CTNNA3: variants seen among roughly 807,000 people sequenced by gnomAD.
CTNNA3 encodes the protein catenin alpha-3.
Under a neutral mutation model 95.7 loss-of-function variants are expected in CTNNA3, and 76 were observed. That is an observed-to-expected ratio of 0.79 (90% CI 0.66 to 0.96). The LOEUF is 0.96. Among genes scored for constraint, CTNNA3 ranks in the 40% least tolerant of loss-of-function variants. The pLI, the probability that CTNNA3 is intolerant of heterozygous loss-of-function variation, is 0.00. For missense variants in CTNNA3, 1,191 were observed against 1,089.8 expected, an observed-to-expected ratio of 1.09 and a Z score of -1.31; for synonymous variants, 431 against 374.4, an observed-to-expected ratio of 1.15 and a Z score of -1.74.
At chr10:66,821,337 C>T (rs111571847) in intron 7 of CTNNA3, among the ~76,000 whole-genome samples, 1 of 151,980 alleles carries the variant, frequency 6.6e-6, no homozygotes, top group African/African-American at 2.4e-5. Context: ...CCAGCAGGTC[C>T]CTTGTCTTTA....
intron 15 of CTNNA3, among the ~76,000 whole-genome samples, chr10:65,995,273 A>G (rs980535191): frequency 3.3e-5 from 5 of 152,068 alleles, no homozygotes; most frequent in Non-Finnish European, 5.9e-5. Context: ...CATATGGTGT[A>G]AGTCACTTCT....
intron 17 of CTNNA3, among the ~76,000 whole-genome samples, chr10:65,942,087 A>G (rs1564528877): frequency 1.3e-5 from 2 of 152,196 alleles, no homozygotes. Context: ...ATTTTACTAG[A>G]TTTCAGAGAA....
chr10:66,830,640 A>C (rs553419744), intron 7 of CTNNA3, among the ~76,000 whole-genome samples: 9 of 150,844 alleles, frequency 6.0e-5, no homozygotes, highest in Admixed American at 2.0e-4. Context: ...GACGGAGTCT[A>C]GCTCTGTTGC....
chr10:66,354,974 G>A (rs982461244), intron 12 of CTNNA3, among the ~76,000 whole-genome samples: 2 of 152,062 alleles, frequency 1.3e-5, no homozygotes, highest in Admixed American at 1.3e-4. Flanking sequence ...GGAATTACCA[G>A]AAAGATAGGC....
chr10:67,521,946 C>T lies in CTNNA3; in HGVS notation c.475G>A (p.Glu159Lys), dbSNP rs756135810. The T allele has an allele frequency of 1.9e-6, 3 of 1,611,466 alleles. No homozygotes were observed. Among genetic ancestry groups the T allele is most frequent in the Non-Finnish European group, 2.5e-6 (3 of 1,178,478 alleles). ...TTGTTGGCAACATTTTTGAGAGACT[C>T]AAATGTCCTTTGAAACTGAAATTGA... ...QHVSAFQRTF[E>K]SLKNVANKSD... Residue 159 changes from glutamate to lysine, a missense_variant, in exon 5 of 18, where the codon GAG (glutamate) becomes AAG (lysine). By Grantham distance (56) the Glu-to-Lys change is moderately conservative. Coordinates refer to ENST00000433211, the MANE Select transcript of CTNNA3 (RefSeq NM_013266.4).
At chr10:66,124,356 C>A (rs569214791) in intron 13 of CTNNA3, among the ~76,000 whole-genome samples, 1 of 152,320 alleles carries the variant, frequency 6.6e-6, no homozygotes, top group East Asian at 1.9e-4. Flanking sequence ...CTGAGACCAC[C>A]TCAGCCTGGA....
intron 15 of CTNNA3, among the ~76,000 whole-genome samples, chr10:66,039,129 T>C (rs1454390354): frequency 1.3e-5 from 2 of 152,158 alleles, no homozygotes; most frequent in Non-Finnish European, 2.9e-5. Context: ...AAATCAGGAA[T>C]GCAATCTCAT....
chr10:66,024,011 T>C (rs538864089), intron 15 of CTNNA3, among the ~76,000 whole-genome samples: 99 of 151,690 alleles, frequency 6.5e-4, no homozygotes, highest in Non-Finnish European at 9.7e-4. Context: ...TAGCTTCTTG[T>C]TAGAACAATT....
At chr10:65,971,872 A>G (rs2078111362) in intron 16 of CTNNA3, among the ~76,000 whole-genome samples, 1 of 152,094 alleles carries the variant, frequency 6.6e-6, no homozygotes, top group Non-Finnish European at 1.5e-5. Flanking sequence ...AATCTCTGAT[A>G]CCAATATCTC....
chr10:66,627,716 G>GT (rs1372588041), intron 9 of CTNNA3, among the ~76,000 whole-genome samples: 1 of 152,134 alleles, frequency 6.6e-6, no homozygotes, highest in Non-Finnish European at 1.5e-5. Context: ...AGGAACAAAT[G>GT]TAAGGAAGGA....
At chr10:66,774,639 C>T (rs1840222763) in intron 8 of CTNNA3, among the ~76,000 whole-genome samples, 1 of 152,142 alleles carries the variant, frequency 6.6e-6, no homozygotes, top group African/African-American at 2.4e-5. Flanking sequence ...TGCCATTAAA[C>T]TACGATAATA....
intron 7 of CTNNA3, among the ~76,000 whole-genome samples, chr10:67,050,639 T>G (rs1428635878): frequency 6.6e-6 from 1 of 152,208 alleles, no homozygotes; most frequent in Non-Finnish European, 1.5e-5. Context: ...GCTGATGTGA[T>G]TGCCCAGACT....
chr10:67,228,087 A>G (rs1237761190), intron 5 of CTNNA3, among the ~76,000 whole-genome samples: 1 of 152,166 alleles, frequency 6.6e-6, no homozygotes, highest in East Asian at 1.9e-4. Flanking sequence ...AAAAAGCACA[A>G]ACTGACACTC....
At chr10:67,035,628 T>C (rs1854001082) in intron 7 of CTNNA3, among the ~76,000 whole-genome samples, 1 of 152,090 alleles carries the variant, frequency 6.6e-6, no homozygotes, top group South Asian at 2.1e-4. Context: ...TAAGGAAAAT[T>C]TAAAAAGCCC....
At chr10:67,387,110 A>T (rs944829541) in intron 5 of CTNNA3, among the ~76,000 whole-genome samples, 1 of 152,158 alleles carries the variant, frequency 6.6e-6, no homozygotes, top group Non-Finnish European at 1.5e-5. Flanking sequence ...TGAGCGACGC[A>T]GAAGACGGGT....
In CTNNA3 at chr10:67,647,508, T is replaced by A. The variant is rs779894670; in HGVS notation, c.6A>T (p.Ser2=). 12 of 1,612,916 alleles carry A rather than the reference T, an allele frequency of 7.4e-6. No homozygotes were observed. The highest frequency in any genetic ancestry group is 2.2e-5 in the South Asian group (2 of 90,998). The change falls in exon 2 of 18, where the codon TCA becomes TCT. Residue 2 remains serine (S), a synonymous_variant. Transcript: ENST00000433211. M[S]AETPITLNID... is the part of the protein sequence containing the mutation. ...TATTCAATGTGATTGGTGTTTCAGCTGACATGCTGCCTGTGCACAAACACA... is the reference window on the plus strand; with the variant it reads ...TATTCAATGTGATTGGTGTTTCAGCAGACATGCTGCCTGTGCACAAACACA...
chr10:67,467,776 T>A (rs921301568), intron 5 of CTNNA3, among the ~76,000 whole-genome samples: 2 of 152,032 alleles, frequency 1.3e-5, no homozygotes, highest in African/African-American at 4.8e-5. Context: ...AGTGGTGCAA[T>A]CATGGCTCAC....
chr10:66,819,052 C>T (rs1256817887), intron 7 of CTNNA3, among the ~76,000 whole-genome samples: 3 of 146,272 alleles, frequency 2.1e-5, no homozygotes, highest in South Asian at 2.2e-4. Context: ...ATCGCACCAT[C>T]GCACTCCAGA....
At chr10:67,530,089 G>GT (rs1294367856) in intron 4 of CTNNA3, among the ~76,000 whole-genome samples, 1 of 152,190 alleles carries the variant, frequency 6.6e-6, no homozygotes, top group African/African-American at 2.4e-5. Context: ...AGGTGGAACT[G>GT]TAAGTCCATT....
Sources: gnomAD v4.1 joint callset for allele counts (sites outside exome capture counted in the v4.1 genomes callset) on GRCh38, gnomAD v4.1.1 for gene constraint, MANE v1.5 for transcripts, NCBI Gene and HGNC (gene_info 2026-07-23, HGNC 2026-07-21) for gene names.